ITPA: variants seen among roughly 807,000 people sequenced by gnomAD.
ITPA encodes the protein inosine triphosphate pyrophosphatase.
A neutral mutation model predicts 29.6 loss-of-function variants in ITPA; 29 were observed. That is an observed-to-expected ratio of 0.98 (90% CI 0.73 to 1.34). The LOEUF (loss-of-function observed/expected upper bound fraction) is 1.34, where lower values mean the gene tolerates loss of function less well. Ranked by LOEUF, ITPA falls within the 40% of genes most tolerant of loss-of-function variation. ITPA has a pLI of 0.00. For missense variants in ITPA, 241 were observed against 251.5 expected, an observed-to-expected ratio of 0.96 and a Z score of 0.28; for synonymous variants, 103 against 99.3, an observed-to-expected ratio of 1.04 and a Z score of -0.22.
At chr20:3,213,589 C>T (rs1348049033) in intron 3 of ITPA, among the ~76,000 whole-genome samples, 1 of 152,158 alleles carries the variant, frequency 6.6e-6, no homozygotes, top group African/African-American at 2.4e-5. Flanking sequence ...CAGACCACCA[C>T]CATACACTCC....
At chr20:3,220,115 C>T (rs1451741055) in intron 6 of ITPA, among the ~76,000 whole-genome samples, 2 of 151,914 alleles carry the variant, frequency 1.3e-5, no homozygotes, top group African/African-American at 4.8e-5. Flanking sequence ...GTATTCAACA[C>T]CCCCTACTGC....
At chr20:3,216,652 A>G (rs574071623) in intron 5 of ITPA, among the ~76,000 whole-genome samples, 69 of 151,166 alleles carry the variant, frequency 4.6e-4, no homozygotes, top group African/African-American at 1.6e-3. Context: ...GGGTTTCACT[A>G]TATTGGCCAG....
At chr20:3,215,109 C>T (rs201758985) in intron 4 of ITPA, 172 bp from the exon 5 acceptor site, 423 of 656,922 alleles carry the variant, frequency 6.4e-4, no homozygotes, top group East Asian at 2.3e-3. Context: ...TCAAGCGATC[C>T]GCCTGCCTTA....
intron 7 of ITPA, 22 bp downstream of exon 7, chr20:3,221,939 C>T (rs757683183): frequency 9.3e-6 from 15 of 1,609,568 alleles, no homozygotes; most frequent in African/African-American, 1.3e-5. Flanking sequence ...TGCTTTTCTT[C>T]CCTGGGGTGT....
upstream of ITPA, chr20:3,209,383 G>C (rs570012331): frequency 1.8e-4 from 126 of 715,624 alleles, 1 homozygote; most frequent in African/African-American, 2.0e-3. The surrounding 1 kb of genome is among the most constrained non-coding windows in gnomAD (Gnocchi z 4.6). Flanking sequence ...TGTGGGCTAG[G>C]CCGCCACCGC....
At chr20:3,225,023 G>A (rs1304856148), downstream of ITPA, among the ~76,000 whole-genome samples, 1 of 152,000 alleles carries the variant, frequency 6.6e-6, no homozygotes, top group Non-Finnish European at 1.5e-5. Flanking sequence ...TGTGCAACAT[G>A]GCAAAACCTT....
In ITPA at chr20:3,218,605, C is replaced by T. The variant is rs968927577; in HGVS notation, c.384C>T (p.Pro128=). The part of the protein sequence containing the change: ...FALSTGDPSQ[P]VRLFRGRTSG... ...TCAGCACCGGGGACCCAAGCCAGCC[C>T]GTGCGCCTGTTCAGGGGCCGGACCT... is the stretch of plus-strand genomic sequence containing the variant. Residue 128 remains proline, a synonymous_variant, in exon 6 of 8, where the codon CCC becomes CCT. Transcript: ENST00000380113. The T allele has an allele frequency of 2.5e-6, 4 of 1,613,596 alleles. No homozygotes were observed. Among genetic ancestry groups the T allele is most frequent in the Non-Finnish European group, 2.5e-6 (3 of 1,179,882 alleles).
rs539991398 is a variant in ITPA at position 3,222,912 on chromosome 20, C to T, written c.489-454C>T. 4.2e-4 allele frequency among the ~76,000 whole-genome samples: 64 copies of T among 152,352 alleles called. 2 individuals carry two copies. The East Asian group carries it at 0.011, about 26-fold the overall frequency. The stretch of plus-strand genomic sequence containing the variant: ...CTTGCACAGAGCAGTCTGCAGGCCA[C>T]GGGCGGGGTATGGGATTCTCACCTC... On this transcript the variant is annotated intron_variant, in intron 7 of 7. Coordinates refer to ENST00000380113, the MANE Select transcript of ITPA (RefSeq NM_033453.4).
rs2067527860 is a variant in ITPA at position 3,223,766 on chromosome 20, A to G, written c.*304A>G. On this transcript the variant is annotated 3_prime_UTR_variant, in exon 8 of 8. Transcript: ENST00000380113. ...GGTGGGAGTGAGGGCGTGGGGAGGAACCATGCAAATCGCCTTCCATGGTTT... is the reference window on the plus strand; with the variant it reads ...GGTGGGAGTGAGGGCGTGGGGAGGAGCCATGCAAATCGCCTTCCATGGTTT... 2 of 480,022 alleles carry G rather than the reference A, an allele frequency of 4.2e-6. No individual in the cohort carries two copies. Among genetic ancestry groups the G allele is most frequent in the Non-Finnish European group, 7.6e-6 (2 of 264,114 alleles). 29.7% of individuals were successfully genotyped at this position (480,022 alleles called of 1,614,324 possible).
upstream of ITPA, among the ~76,000 whole-genome samples, chr20:3,205,196 G>C (rs1047326015): frequency 1.3e-5 from 2 of 152,172 alleles, no homozygotes; most frequent in Non-Finnish European, 2.9e-5. Context: ...AGTGTTTATG[G>C]AAACAACCGT....
rs966644781 is a variant in ITPA at position 3,223,598 on chromosome 20, G to T, written c.*136G>T. Reference sequence around the variant, plus strand: ...TGTGAGGGTGTCGAGTAGCCTCACCGGCCTGTCTGGAGGAGCAGCTGGCTC... The same window carrying T: ...TGTGAGGGTGTCGAGTAGCCTCACCTGCCTGTCTGGAGGAGCAGCTGGCTC... On this transcript the variant is annotated 3_prime_UTR_variant, in exon 8 of 8. Transcript: ENST00000380113. 4.3e-6 allele frequency: 3 copies of T among 704,200 alleles called. No homozygotes were observed. The highest frequency in any genetic ancestry group is 2.0e-5 in the Admixed American group (1 of 48,974). The allele number at this position is 704,200 out of a possible 1,614,324, so 43.6% of individuals were successfully genotyped here. A position where few individuals can be genotyped will look rare whatever the true frequency, so the allele number is the denominator to read the frequency against.
chr20:3,226,970 C>G (rs781664540), downstream of ITPA, among the ~76,000 whole-genome samples: 13 of 152,214 alleles, frequency 8.5e-5, no homozygotes, highest in Non-Finnish European at 1.8e-4. The surrounding 1 kb of genome is among the most constrained non-coding windows in gnomAD (Gnocchi z 4.4). Context: ...CCATCGCCAC[C>G]AGTGCTGCCC....
chr20:3,214,636 G>A (rs769993755), intron 4 of ITPA, among the ~76,000 whole-genome samples: 5 of 151,884 alleles, frequency 3.3e-5, no homozygotes, highest in Non-Finnish European at 4.4e-5. Flanking sequence ...CTGGAGTGCA[G>A]TGGCGCGATC....
At chr20:3,205,919 G>A (rs1035825549), upstream of ITPA, among the ~76,000 whole-genome samples, 12 of 152,032 alleles carry the variant, frequency 7.9e-5, no homozygotes, top group African/African-American at 2.9e-4. Context: ...AGTGGGGCGT[G>A]GTGGCACATG....
chr20:3,215,542 C>T (rs2067274176), intron 5 of ITPA, among the ~76,000 whole-genome samples: 1 of 152,164 alleles, frequency 6.6e-6, no homozygotes, highest in Non-Finnish European at 1.5e-5. Flanking sequence ...AGGGGCTGTA[C>T]TTAATTCTGG....
upstream of ITPA, among the ~76,000 whole-genome samples, chr20:3,208,669 C>T (rs2067107608): frequency 6.6e-6 from 1 of 152,222 alleles, no homozygotes; most frequent in South Asian, 2.1e-4. Context: ...AGCCACCGGG[C>T]TTTCCCACAC....
At chr20:3,218,148 G>T (rs1278457552) in intron 5 of ITPA, among the ~76,000 whole-genome samples, 4 of 151,972 alleles carry the variant, frequency 2.6e-5, no homozygotes, top group African/African-American at 7.3e-5. Context: ...TCGATCTCCT[G>T]ACCTCATAAT....
chr20:3,208,008 A>G (rs931816361), upstream of ITPA, among the ~76,000 whole-genome samples: 25 of 152,096 alleles, frequency 1.6e-4, no homozygotes, highest in Non-Finnish European at 2.5e-4. Context: ...AAAAAAAAAA[A>G]AAAAAGAAAA....
At chr20:3,208,085 A>G (rs1456057285), upstream of ITPA, among the ~76,000 whole-genome samples, 3 of 152,090 alleles carry the variant, frequency 2.0e-5, no homozygotes, top group Admixed American at 6.6e-5. Flanking sequence ...ACAGAATCAC[A>G]CAAATGAATA....
Sources: allele counts gnomAD v4.1 joint callset (sites outside exome capture counted in the v4.1 genomes callset), GRCh38; gene constraint gnomAD v4.1.1; non-coding constraint Gnocchi (gnomAD v3.1); transcripts MANE v1.5; gene names NCBI Gene and HGNC (gene_info 2026-07-23, HGNC 2026-07-21).